The following RARB variants were observed in gnomAD, a reference collection of about 807,000 sequenced individuals.
The protein encoded by RARB is retinoic acid receptor beta, also known as HBV-activated protein.
A neutral mutation model predicts 51.9 loss-of-function variants in RARB; 17 were observed. That is an observed-to-expected ratio of 0.33 (90% CI 0.22 to 0.49). The LOEUF is 0.49. Ranked by LOEUF, RARB falls within the 20% of genes least tolerant of loss-of-function variation. The pLI is 0.99. For missense variants in RARB, 369 were observed against 550.8 expected (o/e 0.67, Z 3.30); for synonymous variants, 215 against 195.4 (o/e 1.10, Z -0.84).
intron 2 of RARB, among the ~76,000 whole-genome samples, chr3:25,015,802 C>T (rs991686647): frequency 6.6e-6 from 1 of 152,130 alleles, no homozygotes; most frequent in African/African-American, 2.4e-5. Flanking sequence ...TTCAAGAAGT[C>T]AATGGACAAG....
intron 2 of RARB, among the ~76,000 whole-genome samples, chr3:24,870,460 C>G (rs922906718): frequency 2.0e-5 from 3 of 151,970 alleles, no homozygotes; most frequent in Admixed American, 2.0e-4. Context: ...TTTCTGGGCT[C>G]TTAGTTATGT....
chr3:25,220,229 GACA>G (rs903519438), intron 5 of RARB, among the ~76,000 whole-genome samples: 1 of 152,164 alleles, frequency 6.6e-6, no homozygotes, highest in African/African-American at 2.4e-5. Flanking sequence ...TGGTTCAGCA[GACA>G]ACAAGTAATA....
intron 2 of RARB, among the ~76,000 whole-genome samples, chr3:25,029,637 C>T (rs1697827673): frequency 6.6e-6 from 1 of 152,170 alleles, no homozygotes; most frequent in Non-Finnish European, 1.5e-5. Flanking sequence ...TTCTCACCCA[C>T]TTCATTGACA....
At chr3:25,304,334 T>C (rs184913391) in intron 5 of RARB, among the ~76,000 whole-genome samples, 40 of 152,326 alleles carry the variant, frequency 2.6e-4, no homozygotes, top group Middle Eastern at 3.4e-3. Flanking sequence ...AGCTTTTCCT[T>C]CTGCTTAGAA....
At chr3:25,415,070 G>A (rs750038419) in intron 5 of RARB, among the ~76,000 whole-genome samples, 34 of 152,070 alleles carry the variant, frequency 2.2e-4, no homozygotes, top group Non-Finnish European at 7.4e-5. Flanking sequence ...TCGAACTCCC[G>A]ACCTCAGGTG....
intron 3 of RARB, among the ~76,000 whole-genome samples, chr3:25,549,204 T>A (rs879145372): frequency 6.6e-6 from 1 of 151,960 alleles, no homozygotes. Flanking sequence ...GGGCAGCAGA[T>A]AGAACAATGA....
intron 2 of RARB, among the ~76,000 whole-genome samples, chr3:24,916,782 A>AG (rs1695116117): frequency 6.6e-6 from 1 of 151,896 alleles, no homozygotes; most frequent in Non-Finnish European, 1.5e-5. Flanking sequence ...AAAAAAAAAA[A>AG]AAAACCTTGT....
At chr3:25,181,710 C>T (rs1012164698) in intron 5 of RARB, among the ~76,000 whole-genome samples, 4 of 152,126 alleles carry the variant, frequency 2.6e-5, no homozygotes, top group Non-Finnish European at 5.9e-5. Flanking sequence ...AAATGCAAAA[C>T]ATTGTTGTAT....
chr3:25,226,110 G>T (rs1466900783), intron 5 of RARB, among the ~76,000 whole-genome samples: 1 of 152,194 alleles, frequency 6.6e-6, no homozygotes, highest in Non-Finnish European at 1.5e-5. Context: ...CATAAGGAAA[G>T]ACGTGTCCAC....
chr3:24,895,501 A>G (rs939694765), intron 2 of RARB, among the ~76,000 whole-genome samples: 4 of 152,108 alleles, frequency 2.6e-5, no homozygotes, highest in Admixed American at 1.3e-4. Flanking sequence ...ATTAAAGCTT[A>G]TTTATCAAGG....
rs866804835 is a variant in RARB, at chr3:25,494,255, A to G, written c.307-6927A>G. 6.4e-4 allele frequency among the ~76,000 whole-genome samples: 95 copies of G among 149,472 alleles called. 1 individual carries two copies. Among genetic ancestry groups the G allele is most frequent in the Admixed American group, 1.1e-3 (16 of 15,010 alleles). On this transcript the variant is annotated intron_variant, in intron 2 of 7. Coordinates refer to ENST00000330688, the MANE Select transcript of RARB (RefSeq NM_000965.5). ...CCCCTTTTCCAGCTGTATCTTACGC[A>G]CACACACACACACACACACACACAT...
intron 2 of RARB, among the ~76,000 whole-genome samples, chr3:24,902,893 A>G (rs977476129): frequency 6.6e-6 from 1 of 152,216 alleles, no homozygotes; most frequent in Non-Finnish European, 1.5e-5. Context: ...AAAAATATAA[A>G]GTACATAGTA....
intron 3 of RARB, among the ~76,000 whole-genome samples, chr3:25,543,225 A>G (rs1339819951): frequency 6.6e-6 from 1 of 152,194 alleles, no homozygotes; most frequent in African/African-American, 2.4e-5. Context: ...AAGTATCCAT[A>G]GAGCTTTGGG....
rs188005190 is a variant in RARB, at chr3:25,145,646, T to G, written c.-280+13438T>G. ...GCTTGCTTAGATTAGTTCAGACATA[T>G]GTCTGTCCTCCTGACTTATTACTAG... On this transcript the variant is annotated intron_variant, in intron 4 of 11. Coordinates refer to the RARB transcript ENST00000383772. Among the ~76,000 whole-genome samples the G allele has an allele frequency of 2.1e-3, 323 of 152,290 alleles. 1 individual carries two copies. The highest frequency in any genetic ancestry group is 7.7e-3 in the African/African-American group (318 of 41,568).
intron 5 of RARB, among the ~76,000 whole-genome samples, chr3:25,380,600 T>C (rs377265283): frequency 8.8e-6 from 1 of 113,938 alleles, no homozygotes; most frequent in South Asian, 3.5e-4. Context: ...AGAAAAAAAA[T>C]AAACAAGCAA....
intron 3 of RARB, among the ~76,000 whole-genome samples, chr3:25,511,306 G>T (rs1697885318): frequency 1.3e-5 from 2 of 151,930 alleles, no homozygotes; most frequent in Admixed American, 1.3e-4. Flanking sequence ...CTAATTTTTT[G>T]TATTTTTAGT....
At chr3:24,856,611 G>A (rs907873268) in intron 1 of RARB, among the ~76,000 whole-genome samples, 8 of 152,044 alleles carry the variant, frequency 5.3e-5, no homozygotes, top group African/African-American at 1.2e-4. Context: ...CTAAATGTTC[G>A]GTGTTTGGGG....
rs547029523 is a variant in RARB at position 25,194,479 on chromosome 3, GTA to G, written c.178+19917_178+19918del. Among the ~76,000 whole-genome samples, 44 of 147,708 alleles carry G rather than the reference GTA, an allele frequency of 3.0e-4. No individual in the cohort carries two copies. The East Asian group carries it at 3.2e-3, about 11-fold the overall frequency. On this transcript the variant is annotated intron_variant, in intron 5 of 11. Coordinates refer to the RARB transcript ENST00000383772. ...AAATAGTATATATATACAGTAGTGT[GTA>G]TATATATATATACACACACATAGTG...
chr3:25,477,342 A>T (rs10212330), intron 2 of RARB, among the ~76,000 whole-genome samples: 116,892 of 152,096 alleles, frequency 0.77, 45,156 homozygotes, highest in Middle Eastern at 0.88. Context: ...GGGGCTCAGT[A>T]TGCCACCTGA....
Sources: gnomAD v4.1 joint callset for allele counts (sites outside exome capture counted in the v4.1 genomes callset) on GRCh38, gnomAD v4.1.1 for gene constraint, MANE v1.5 for transcripts, NCBI Gene and HGNC (gene_info 2026-07-23, HGNC 2026-07-21) for gene names.